Variants in FKBP3 observed in about 807,000 individuals in gnomAD.
FKBP3 encodes the protein FKBP prolyl isomerase 3, also known as peptidyl-prolyl cis-trans isomerase FKBP3.
A neutral mutation model predicts 30.6 loss-of-function variants in FKBP3; 21 were observed. The ratio of observed to expected loss-of-function variants is 0.69; its 90% CI spans 0.49 to 0.99. FKBP3 has a LOEUF of 0.99. Ranked by LOEUF, FKBP3 falls within the 50% of genes least tolerant of loss-of-function variation. FKBP3 has a pLI of 0.00. For missense variants in FKBP3, 283 were observed against 261.6 expected, an observed-to-expected ratio of 1.08 and a Z score of -0.56; for synonymous variants, 82 against 91.3, an observed-to-expected ratio of 0.90 and a Z score of 0.58.
chr14:45,116,940 A>G (rs1254389277), intron 6 of FKBP3, among the ~76,000 whole-genome samples: 1 of 151,896 alleles, frequency 6.6e-6, no homozygotes, highest in East Asian at 1.9e-4. Context: ...GCTTCTTCAC[A>G]TGGGAGAGGG....
chr14:45,121,559 T>C lies in FKBP3; in HGVS notation c.380A>G (p.Lys127Arg), dbSNP rs1358717094. The change falls in exon 4 of 7, where the codon AAG (lysine) becomes AGG (arginine). Residue 127 changes from lysine to arginine, a missense_variant. Transcript: ENST00000396062. ...KKGDKTNFPK[K>R]GDVVHCWYTG... ...ATACCAGCAGTGAACAACATCTCCC[T>C]TTTTGGGAAAGTTGGTTTTATCTCC... 1.9e-6 allele frequency: 3 copies of C among 1,613,476 alleles called. No individual in the cohort carries two copies. The Admixed American group carries it at 5.0e-5, about 27-fold the overall frequency.
intron 3 of FKBP3, among the ~76,000 whole-genome samples, chr14:45,126,319 C>T (rs552155465): frequency 6.6e-6 from 1 of 151,856 alleles, no homozygotes; most frequent in East Asian, 2.0e-4. Context: ...GAAACCCTGT[C>T]TCTACTAAAA....
chr14:45,122,443 C>T (rs1428041071), intron 3 of FKBP3, among the ~76,000 whole-genome samples: 1 of 152,164 alleles, frequency 6.6e-6, no homozygotes, highest in African/African-American at 2.4e-5. Context: ...TCCAATAATT[C>T]ATATCTATTA....
intron 3 of FKBP3, among the ~76,000 whole-genome samples, chr14:45,123,098 C>T (rs1885020025): frequency 6.6e-6 from 1 of 150,422 alleles, no homozygotes; most frequent in Non-Finnish European, 1.5e-5. Flanking sequence ...GAGGTAGAGT[C>T]AGGAGAATCA....
chr14:45,119,436 G>GC (rs987285980), intron 5 of FKBP3, among the ~76,000 whole-genome samples: 16 of 151,916 alleles, frequency 1.1e-4, no homozygotes, highest in Non-Finnish European at 2.1e-4. Flanking sequence ...AGGTGTGGTG[G>GC]CGCATGCCTG....
intron 5 of FKBP3, among the ~76,000 whole-genome samples, chr14:45,120,323 A>C (rs1362682374): frequency 3.3e-5 from 5 of 152,042 alleles, no homozygotes; most frequent in Non-Finnish European, 7.4e-5. Flanking sequence ...TCTTTTCTCA[A>C]AGTTTCTTTC....
chr14:45,124,850 T>C (rs1401555992), intron 3 of FKBP3, among the ~76,000 whole-genome samples: 1 of 152,224 alleles, frequency 6.6e-6, no homozygotes, highest in African/African-American at 2.4e-5. Flanking sequence ...TCTGGGTTTT[T>C]ATCTTTAGGA....
chr14:45,133,701 G>T (rs541955508), intron 1 of FKBP3, among the ~76,000 whole-genome samples: 4 of 152,140 alleles, frequency 2.6e-5, no homozygotes, highest in African/African-American at 9.7e-5. Flanking sequence ...CTGACAAATG[G>T]AGAGCCTACA....
rs767134189 is a variant in FKBP3, at chr14:45,118,079, A to T, written c.569T>A (p.Leu190Gln). The T allele has an allele frequency of 6.2e-7, 1 of 1,608,768 alleles. No homozygotes were observed. Among genetic ancestry groups the T allele is most frequent in the South Asian group, 1.1e-5 (1 of 89,892 alleles). ...GTAAGCCCATTCTGGTTCAATCTCCAGTCGAGCCTTTTCTCCTTTACTCAT... is the reference window on the plus strand; with the variant it reads ...GTAAGCCCATTCTGGTTCAATCTCCTGTCGAGCCTTTTCTCCTTTACTCAT... ...LTMSKGEKAR[L>Q]EIEPEWAYGK... The change falls in exon 6 of 7, where the codon CTG (leucine) becomes CAG (glutamine). Residue 190 changes from leucine to glutamine, a missense_variant. By Grantham distance (113) the Leu-to-Gln change is moderately radical. Transcript: ENST00000396062.
At chr14:45,122,915 G>T (rs1885015714) in intron 3 of FKBP3, among the ~76,000 whole-genome samples, 1 of 151,896 alleles carries the variant, frequency 6.6e-6, no homozygotes, top group Admixed American at 6.6e-5. Flanking sequence ...TATCTGTGCT[G>T]GGTGCGGTGG....
chr14:45,123,138 A>T (rs2139080572), intron 3 of FKBP3, among the ~76,000 whole-genome samples: 1 of 151,188 alleles, frequency 6.6e-6, no homozygotes, highest in African/African-American at 2.4e-5. Flanking sequence ...GGTTGCAGTG[A>T]GCCAAGATGG....
At chr14:45,118,307 GAAAA>G (rs1361337894) in intron 5 of FKBP3, among the ~76,000 whole-genome samples, 182 bp from the exon 6 acceptor site, 2 of 151,342 alleles carry the variant, frequency 1.3e-5, no homozygotes, top group African/African-American at 2.4e-5. Flanking sequence ...TTCTTCAATA[GAAAA>G]AAAAGGGTAT....
intron 3 of FKBP3, among the ~76,000 whole-genome samples, chr14:45,127,472 CTTAT>C (rs889326301): frequency 2.0e-5 from 3 of 152,010 alleles, no homozygotes; most frequent in Non-Finnish European, 4.4e-5. Context: ...GAAAAATTTT[CTTAT>C]TTAAACTAAA....
chr14:45,118,155 G>A, intron 5 of FKBP3, 30 bp from the exon 6 acceptor site: 2 of 1,458,326 alleles, frequency 1.4e-6, no homozygotes, highest in Non-Finnish European at 1.9e-6. Flanking sequence ...AAAAACTAAT[G>A]GTATTTTGCA....
At chr14:45,126,002 G>A (rs1297116084) in intron 3 of FKBP3, among the ~76,000 whole-genome samples, 7 of 151,918 alleles carry the variant, frequency 4.6e-5, no homozygotes, top group African/African-American at 1.7e-4. Context: ...AGGCTCAAAG[G>A]ATCCTCCCTG....
At chr14:45,121,681 A>T in intron 3 of FKBP3, 61 bp from the exon 4 acceptor site, 1 of 1,563,474 alleles carries the variant, frequency 6.4e-7, no homozygotes. Flanking sequence ...TAAAAGAATG[A>T]CAAACAATAG....
At chr14:45,119,981 C>T (rs763185528) in intron 5 of FKBP3, among the ~76,000 whole-genome samples, 16 of 152,026 alleles carry the variant, frequency 1.1e-4, no homozygotes, top group East Asian at 1.9e-4. Context: ...TGAGCCACCA[C>T]GCCTGGCTGG....
chr14:45,118,584 T>A (rs1465279803), intron 5 of FKBP3, among the ~76,000 whole-genome samples: 1 of 152,130 alleles, frequency 6.6e-6, no homozygotes, highest in Non-Finnish European at 1.5e-5. Context: ...TGAGCCAGGA[T>A]TGAGCCACTG....
intron 3 of FKBP3, among the ~76,000 whole-genome samples, chr14:45,125,891 CAAAG>C (rs1191664308): frequency 6.6e-6 from 1 of 150,548 alleles, no homozygotes; most frequent in African/African-American, 2.4e-5. Context: ...CATTTGTGGT[CAAAG>C]AAAAAAAATT....
Sources: gnomAD v4.1 joint callset for allele counts (sites outside exome capture counted in the v4.1 genomes callset) on GRCh38, gnomAD v4.1.1 for gene constraint, MANE v1.5 for transcripts, NCBI Gene and HGNC (gene_info 2026-07-23, HGNC 2026-07-21) for gene names.